The following ARHGAP24 variants were observed in gnomAD, a reference collection of about 807,000 sequenced individuals.
ARHGAP24 encodes the protein rho GTPase-activating protein 24.
ARHGAP24 carries 50 observed loss-of-function variants against 76.4 expected under a neutral mutation model. The ratio of observed to expected loss-of-function variants is 0.65; its 90% CI spans 0.52 to 0.83. ARHGAP24 has a LOEUF of 0.83. Ranked by LOEUF, ARHGAP24 falls within the 40% of genes least tolerant of loss-of-function variation. The pLI is 0.00. For missense variants in ARHGAP24, 930 were observed against 914.2 expected (o/e 1.02, Z -0.22); for synonymous variants, 345 against 323.3 (o/e 1.07, Z -0.72).
At chr4:85,733,060 C>CTTTTTTTTTTTTTTTTTTTT (rs1210109366) in intron 3 of ARHGAP24, among the ~76,000 whole-genome samples, 1,075 of 55,206 alleles carry the variant, frequency 0.019, 439 homozygotes, top group Admixed American at 0.047. Context: ...GCCTCACCAA[C>CTTTTTTTTTTTTTTTTTTTT]TTTTTTTTTT....
chr4:85,575,283 G>C (rs1243879696), intron 2 of ARHGAP24, among the ~76,000 whole-genome samples: 1 of 152,124 alleles, frequency 6.6e-6, no homozygotes, highest in Non-Finnish European at 1.5e-5. Context: ...CAAACAGGAA[G>C]GTGATGCATG....
At chr4:85,832,426 T>C (rs1195932680) in intron 3 of ARHGAP24, among the ~76,000 whole-genome samples, 1 of 152,166 alleles carries the variant, frequency 6.6e-6, no homozygotes, top group African/African-American at 2.4e-5. Context: ...TGAGTAGCCC[T>C]GGAAGGGGCA....
At chr4:85,832,659 A>G (rs1398631141) in intron 3 of ARHGAP24, among the ~76,000 whole-genome samples, 4 of 152,200 alleles carry the variant, frequency 2.6e-5, no homozygotes, top group Non-Finnish European at 5.9e-5. Context: ...AGAAGGATGA[A>G]TGAGTCAATA....
chr4:85,997,042 TCTTA>T (rs1359794294), intron 9 of ARHGAP24, among the ~76,000 whole-genome samples: 6 of 152,164 alleles, frequency 3.9e-5, no homozygotes, highest in Non-Finnish European at 2.9e-5. Flanking sequence ...ATAGAGGTCA[TCTTA>T]ATGGGCCATT....
At chr4:85,895,149 A>G (rs1005986158) in intron 3 of ARHGAP24, among the ~76,000 whole-genome samples, 4 of 152,068 alleles carry the variant, frequency 2.6e-5, no homozygotes, top group African/African-American at 9.7e-5. Flanking sequence ...AGTAATCACC[A>G]CTGAAGAACT....
chr4:85,531,863 C>T (rs1560522021), intron 1 of ARHGAP24, among the ~76,000 whole-genome samples: 1 of 152,084 alleles, frequency 6.6e-6, no homozygotes, highest in Admixed American at 6.6e-5. Context: ...CGTCTCTCCA[C>T]AGCATATTAT....
chr4:85,481,253 A>G lies in ARHGAP24; in HGVS notation c.-21+5694A>G, dbSNP rs114530784. On this transcript the variant is annotated intron_variant, in intron 1 of 9. Transcript: ENST00000395184. The stretch of plus-strand genomic sequence containing the variant: ...GGGGATGTTTAGGCTCAGAGAGGTA[A>G]ATAAAGTTACCCAAGGTAATGTAGA... Among the ~76,000 whole-genome samples the G allele has an allele frequency of 1.0e-2, 1,520 of 152,296 alleles. 15 individuals carry two copies. The highest frequency in any genetic ancestry group is 0.037 in the Middle Eastern group (11 of 294).
chr4:85,948,547 G>A (rs1277526754), intron 5 of ARHGAP24, among the ~76,000 whole-genome samples: 1 of 152,164 alleles, frequency 6.6e-6, no homozygotes, highest in Admixed American at 6.5e-5. Context: ...GATGTGCCCT[G>A]TAAGCAGTTA....
intron 5 of ARHGAP24, among the ~76,000 whole-genome samples, chr4:85,944,251 A>T (rs191300444): frequency 1.3e-5 from 2 of 152,312 alleles, no homozygotes; most frequent in Non-Finnish European, 1.5e-5. Context: ...GGCCACATAA[A>T]TGTCTTCTTT....
At chr4:85,510,514 C>G (rs1724234148) in intron 1 of ARHGAP24, among the ~76,000 whole-genome samples, 1 of 148,402 alleles carries the variant, frequency 6.7e-6, no homozygotes, top group African/African-American at 2.5e-5. Context: ...CTCCCCTCTC[C>G]CCCTCACTCT....
rs186899003 is a variant in ARHGAP24 at position 85,728,048 on chromosome 4, T to G, written c.268+6076T>G. On this transcript the variant is annotated intron_variant, in intron 3 of 9. Coordinates refer to ENST00000395184, the MANE Select transcript of ARHGAP24 (RefSeq NM_001025616.3). ...AAAAAAAGATGTTATTTATCCTACC[T>G]TTAGCCACAACTATACTAATTATTT... 9.2e-5 allele frequency among the ~76,000 whole-genome samples: 14 copies of G among 152,196 alleles called. No individual in the cohort carries two copies. In the East Asian group the frequency reaches 2.7e-3, roughly 29 times the overall value.
At chr4:85,587,854 A>T (rs1727924305) in intron 2 of ARHGAP24, among the ~76,000 whole-genome samples, 1 of 152,156 alleles carries the variant, frequency 6.6e-6, no homozygotes, top group African/African-American at 2.4e-5. Flanking sequence ...GTGAAGCTCG[A>T]TTATGATGGG....
chr4:85,487,269 A>G (rs1206940650), intron 1 of ARHGAP24, among the ~76,000 whole-genome samples: 1 of 125,798 alleles, frequency 7.9e-6, no homozygotes, highest in Non-Finnish European at 1.6e-5. Flanking sequence ...ATATATAAAT[A>G]TATATTTATT....
intron 2 of ARHGAP24, among the ~76,000 whole-genome samples, chr4:85,608,551 G>GTTT (rs141361475): frequency 2.3e-3 from 168 of 73,186 alleles, no homozygotes; most frequent in Non-Finnish European, 2.7e-3. Flanking sequence ...TTGTTTGGTT[G>GTTT]TTTTTTTTTT....
intron 2 of ARHGAP24, among the ~76,000 whole-genome samples, chr4:85,703,938 C>T (rs920399109): frequency 1.3e-5 from 2 of 152,134 alleles, no homozygotes; most frequent in Non-Finnish European, 2.9e-5. Flanking sequence ...GTCATCCGCT[C>T]CCCCACCCTC....
At chr4:85,486,309 T>TGAA (rs953943324) in intron 1 of ARHGAP24, among the ~76,000 whole-genome samples, 1 of 152,040 alleles carries the variant, frequency 6.6e-6, no homozygotes, top group African/African-American at 2.4e-5. Context: ...AATGACTGGA[T>TGAA]GAAGCTACTG....
Position 86,001,347 on chromosome 4 carries a change from G to A in ARHGAP24, c.*625G>A. On this transcript the variant is annotated 3_prime_UTR_variant, in exon 10 of 10. Coordinates refer to ENST00000395184, the MANE Select transcript of ARHGAP24 (RefSeq NM_001025616.3). ...GAGCTGCTTTTAAAATTCTTCCCCT[G>A]GCACCACTCAGTTTTGCTTTTGCGA... 2.5e-6 allele frequency: 1 copy of A among 398,878 alleles called. No homozygotes were observed. Among genetic ancestry groups the A allele is most frequent in the East Asian group, 3.6e-5 (1 of 28,054 alleles). 24.7% of individuals were successfully genotyped at this position (398,878 alleles called of 1,614,324 possible).
At chr4:85,647,183 G>C (rs1446961287) in intron 2 of ARHGAP24, among the ~76,000 whole-genome samples, 1 of 152,000 alleles carries the variant, frequency 6.6e-6, no homozygotes, top group Non-Finnish European at 1.5e-5. Flanking sequence ...GAAGAAATTG[G>C]ATTTGATTAT....
At chr4:85,944,717 G>A (rs756716266) in intron 5 of ARHGAP24, among the ~76,000 whole-genome samples, 1 of 152,178 alleles carries the variant, frequency 6.6e-6, no homozygotes, top group African/African-American at 2.4e-5. Context: ...GTGACCGTGG[G>A]TAATAACAAA....
Sources: allele counts gnomAD v4.1 joint callset (sites outside exome capture counted in the v4.1 genomes callset), GRCh38; gene constraint gnomAD v4.1.1; transcripts MANE v1.5; gene names NCBI Gene and HGNC (gene_info 2026-07-23, HGNC 2026-07-21).